The following CDH12 variants were observed in gnomAD, a reference collection of about 807,000 sequenced individuals.
CDH12 encodes cadherin-12.
CDH12 carries 41 observed loss-of-function variants against 74.1 expected under a neutral mutation model. That is an observed-to-expected ratio of 0.55 (90% CI 0.43 to 0.72). The LOEUF (loss-of-function observed/expected upper bound fraction) is 0.72. Ranked by LOEUF, CDH12 falls within the 30% of genes least tolerant of loss-of-function variation. CDH12 has a pLI of 0.00. For missense variants in CDH12, 945 were observed against 977.2 expected (o/e 0.97, Z 0.44); for synonymous variants, 399 against 355.0 (o/e 1.12, Z -1.39).
At chr5:22,485,455 T>C (rs1298881819) in intron 2 of CDH12, among the ~76,000 whole-genome samples, 2 of 152,222 alleles carry the variant, frequency 1.3e-5, no homozygotes, top group Admixed American at 1.3e-4. Context: ...CCATCCAATG[T>C]GCAGGGATTA....
At chr5:22,638,881 T>C (rs1357620721) in intron 1 of CDH12, 1 of 150,468 alleles carries the variant, frequency 6.6e-6, no homozygotes, top group Non-Finnish European at 1.5e-5. Flanking sequence ...AAACCCCGTC[T>C]CTATTAAAAA....
intron 4 of CDH12, among the ~76,000 whole-genome samples, chr5:22,176,208 T>C (rs1422849093): frequency 6.6e-6 from 1 of 152,002 alleles, no homozygotes. Context: ...TTTGTATATC[T>C]GAATGCAGTG....
chr5:22,594,542 C>T (rs1340478301), intron 1 of CDH12, among the ~76,000 whole-genome samples: 1 of 151,972 alleles, frequency 6.6e-6, no homozygotes, highest in Admixed American at 6.6e-5. Context: ...CCTTTTGATC[C>T]CCAGCCTTAG....
chr5:22,252,872 C>T (rs1211662667), intron 3 of CDH12, among the ~76,000 whole-genome samples: 2 of 151,774 alleles, frequency 1.3e-5, no homozygotes, highest in Non-Finnish European at 2.9e-5. Flanking sequence ...CTATTACATG[C>T]TCTACTGAAA....
At chr5:22,136,795 C>T (rs962477093) in intron 4 of CDH12, among the ~76,000 whole-genome samples, 1 of 150,698 alleles carries the variant, frequency 6.6e-6, no homozygotes, top group Non-Finnish European at 1.5e-5. Context: ...ATGCTGATAC[C>T]GTAATCAGAT....
At chr5:22,382,186 T>C (rs1253045895) in intron 3 of CDH12, among the ~76,000 whole-genome samples, 2 of 145,730 alleles carry the variant, frequency 1.4e-5, no homozygotes, top group African/African-American at 5.0e-5. Context: ...TTATAATATA[T>C]ATTATTTTAT....
chr5:21,751,838 C>A lies in CDH12; in HGVS notation c.2284G>T (p.Asp762Tyr), dbSNP rs1291430724. The A allele has an allele frequency of 8.7e-6, 14 of 1,613,900 alleles. No individual in the cohort carries two copies. Among genetic ancestry groups the A allele is most frequent in the African/African-American group, 6.7e-5 (5 of 74,874 alleles). Residue 762 changes from aspartate to tyrosine, a missense_variant, in exon 15 of 15, where the codon GAC (aspartate) becomes TAC (tyrosine). Asp to Tyr is a radical substitution (Grantham distance 160). Around this residue, in one of 3 missense-constraint regions of CDH12, gnomAD observed 791 missense variants for 792.8 expected, o/e 1.00. Coordinates refer to ENST00000382254, the MANE Select transcript of CDH12 (RefSeq NM_004061.5). ...TCTGTCAGATAGTCATAGTCCTGGT[C>A]GGCTTCTGTGGTGAGAGAGTCTATA... is the stretch of plus-strand genomic sequence containing the variant. ...SSIDSLTTEA[D>Y]QDYDYLTDWG...
At chr5:22,477,954 G>A (rs899865172) in intron 2 of CDH12, among the ~76,000 whole-genome samples, 2 of 152,072 alleles carry the variant, frequency 1.3e-5, no homozygotes, top group Non-Finnish European at 2.9e-5. Flanking sequence ...GTTGTGTCTC[G>A]TGGCATTTTC....
chr5:21,762,296 GA>G (rs1200401942), intron 12 of CDH12, among the ~76,000 whole-genome samples: 1 of 152,062 alleles, frequency 6.6e-6, no homozygotes, highest in African/African-American at 2.4e-5. Flanking sequence ...CTGCCCTGAG[GA>G]AAACAACTAC....
chr5:22,474,889 A>ATG (rs1746105785), intron 2 of CDH12, among the ~76,000 whole-genome samples: 3 of 152,078 alleles, frequency 2.0e-5, no homozygotes, highest in Non-Finnish European at 4.4e-5. Flanking sequence ...TCTCATTAGT[A>ATG]ATAATTAATG....
At chr5:22,660,686 G>A (rs927478341) in intron 1 of CDH12, among the ~76,000 whole-genome samples, 1 of 152,102 alleles carries the variant, frequency 6.6e-6, no homozygotes, top group African/African-American at 2.4e-5. Context: ...CCAAAATGCT[G>A]GGATTACAGG....
intron 5 of CDH12, among the ~76,000 whole-genome samples, chr5:22,029,088 A>T (rs1245710784): frequency 2.0e-5 from 3 of 152,142 alleles, no homozygotes; most frequent in African/African-American, 4.8e-5. Flanking sequence ...GATCCCTTCC[A>T]TACACCTTTA....
At chr5:22,129,770 G>A (rs1746083215) in intron 4 of CDH12, among the ~76,000 whole-genome samples, 1 of 151,956 alleles carries the variant, frequency 6.6e-6, no homozygotes, top group Non-Finnish European at 1.5e-5. Context: ...CTGTGATTTA[G>A]TGGTATTATT....
At chr5:22,113,147 A>G (rs560072109) in intron 4 of CDH12, among the ~76,000 whole-genome samples, 2 of 151,992 alleles carry the variant, frequency 1.3e-5, no homozygotes, top group East Asian at 3.9e-4. Flanking sequence ...TTACAATCTT[A>G]CTCTGGCATA....
At chr5:22,370,013 A>T (rs1741209609) in intron 3 of CDH12, among the ~76,000 whole-genome samples, 1 of 152,094 alleles carries the variant, frequency 6.6e-6, no homozygotes, top group African/African-American at 2.4e-5. Context: ...CTTAAAAAAA[A>T]TTCTCAAGTA....
intron 2 of CDH12, among the ~76,000 whole-genome samples, chr5:22,409,932 G>A (rs150617216): frequency 0.014 from 2,121 of 152,000 alleles, 27 homozygotes; most frequent in Middle Eastern, 0.027. Context: ...TAGATTACCT[G>A]GTACATGGTG....
rs66657734 is a variant in CDH12 at position 21,891,572 on chromosome 5, T to TACACACACACACACACACAC, written c.527-36802_527-36783dup. On this transcript the variant is annotated intron_variant, in intron 6 of 14. Coordinates refer to ENST00000382254, the MANE Select transcript of CDH12 (RefSeq NM_004061.5). The stretch of plus-strand genomic sequence containing the variant: ...TCTTTCCTGTGAATACACACACACA[T>TACACACACACACACACACAC]ACACACACACACACACACACACACA... Among the ~76,000 whole-genome samples, 581 of 145,042 alleles carry TACACACACACACACACACAC rather than the reference T, an allele frequency of 4.0e-3. 3 individuals carry two copies. The highest frequency in any genetic ancestry group is 4.8e-3 in the Non-Finnish European group (315 of 65,728).
intron 6 of CDH12, among the ~76,000 whole-genome samples, chr5:21,919,858 G>A (rs1754273216): frequency 6.6e-6 from 1 of 152,096 alleles, no homozygotes; most frequent in Non-Finnish European, 1.5e-5. Flanking sequence ...GAGTTCTAAT[G>A]TCAGTGATGC....
In CDH12 at chr5:22,681,934, G is replaced by T. The variant is rs574816803; in HGVS notation, c.-523+171124C>A. Reference sequence around the variant, plus strand: ...GTTTGGTTTCTGTATCTGACAGTATGACATGAAATCCATCAAACAGTAAAA... The same window carrying T: ...GTTTGGTTTCTGTATCTGACAGTATTACATGAAATCCATCAAACAGTAAAA... On this transcript the variant is annotated intron_variant, in intron 1 of 14. Coordinates refer to ENST00000382254, the MANE Select transcript of CDH12 (RefSeq NM_004061.5). Among the ~76,000 whole-genome samples, 3 of 151,856 alleles carry T rather than the reference G, an allele frequency of 2.0e-5. 1 individual carries two copies. The South Asian group carries it at 6.2e-4, about 32-fold the overall frequency.
Sources: gnomAD v4.1 joint callset for allele counts (sites outside exome capture counted in the v4.1 genomes callset) on GRCh38, gnomAD v4.1.1 for gene constraint, gnomAD v4.1.1 regional missense constraint, MANE v1.5 for transcripts, NCBI Gene and HGNC (gene_info 2026-07-23, HGNC 2026-07-21) for gene names.